The following PDE8B variants were observed in gnomAD, a reference collection of about 807,000 sequenced individuals.
The protein encoded by PDE8B is high affinity cAMP-specific and IBMX-insensitive 3',5'-cyclic phosphodiesterase 8B.
In PDE8B, 26 loss-of-function variants were observed where a neutral mutation model predicts 101.3. That is an observed-to-expected ratio of 0.26 (90% CI 0.19 to 0.36). The LOEUF (loss-of-function observed/expected upper bound fraction) is 0.36. Among genes scored for constraint, PDE8B ranks in the 10% least tolerant of loss-of-function variants. The pLI is 1.00. For synonymous variants in PDE8B, 424 were observed against 429.3 expected (o/e 0.99, Z 0.15); for missense variants, 810 against 1,163.1 (o/e 0.70, Z 4.42).
chr5:77,389,655 C>T (rs1789487209), intron 10 of PDE8B, among the ~76,000 whole-genome samples: 1 of 152,188 alleles, frequency 6.6e-6, no homozygotes, highest in Non-Finnish European at 1.5e-5. Context: ...TCCACCCATC[C>T]TGCTCGCCCC....
rs116920880 is a variant in PDE8B at position 77,281,929 on chromosome 5, T to C, written c.340-30065T>C. On this transcript the variant is annotated intron_variant, in intron 1 of 21. Coordinates refer to ENST00000264917, the MANE Select transcript of PDE8B (RefSeq NM_003719.5). Reference sequence around the variant, plus strand: ...TATATGGGATCATTTGTGGGAGCGATCTGAGGTTTTCAGAGTCTGGGGGTG... The same window carrying C: ...TATATGGGATCATTTGTGGGAGCGACCTGAGGTTTTCAGAGTCTGGGGGTG... Among the ~76,000 whole-genome samples the C allele has an allele frequency of 4.9e-4, 75 of 152,320 alleles. No homozygotes were observed. The East Asian group carries it at 0.014, about 28-fold the overall frequency.
the PDE8B span, among the ~76,000 whole-genome samples, chr5:77,170,623 AGTTTCTAGGAGATACATGGCCACATG>A: frequency 6.6e-6 from 1 of 152,230 alleles, no homozygotes; most frequent in Non-Finnish European, 1.5e-5. Flanking sequence ...CATCGTTATG[AGTTTCTAGGAGATACATGGCCACATG>A]GTGTTAAATT....
chr5:77,372,406 G>C (rs1019194340), intron 10 of PDE8B, among the ~76,000 whole-genome samples: 2 of 152,076 alleles, frequency 1.3e-5, no homozygotes, highest in African/African-American at 4.8e-5. Context: ...TCTTCATCAG[G>C]GTTTGTATAT....
chr5:77,177,609 G>T, the PDE8B span, among the ~76,000 whole-genome samples: 279 of 152,296 alleles, frequency 1.8e-3, 1 homozygote, highest in African/African-American at 6.6e-3. Context: ...GCTTCTCTTT[G>T]GTATATAGAA....
At chr5:77,253,041 C>G (rs1312403348) in intron 1 of PDE8B, among the ~76,000 whole-genome samples, 2 of 150,738 alleles carry the variant, frequency 1.3e-5, no homozygotes, top group Admixed American at 1.3e-4. Context: ...AAACACAGCT[C>G]AAGAAAAAGC....
chr5:77,363,545 C>G (rs757733602), intron 10 of PDE8B, among the ~76,000 whole-genome samples: 3 of 151,926 alleles, frequency 2.0e-5, no homozygotes, highest in Non-Finnish European at 2.9e-5. Flanking sequence ...AAACCCATCT[C>G]TACTAAAAAT....
chr5:77,174,969 C>T, the PDE8B span, among the ~76,000 whole-genome samples: 1 of 152,188 alleles, frequency 6.6e-6, no homozygotes, highest in Admixed American at 6.5e-5. Flanking sequence ...GATTTCCCAC[C>T]CATTCTCTTC....
intron 1 of PDE8B, among the ~76,000 whole-genome samples, chr5:77,251,156 A>G (rs575376350): frequency 1.3e-5 from 2 of 152,306 alleles, no homozygotes; most frequent in Non-Finnish European, 2.9e-5. Flanking sequence ...TTCAGTCTCT[A>G]TCTGTAAAAT....
chr5:77,423,990 G>A (rs995549652), intron 20 of PDE8B, among the ~76,000 whole-genome samples: 1 of 151,950 alleles, frequency 6.6e-6, no homozygotes, highest in African/African-American at 2.4e-5. Context: ...CTTTTGAGAA[G>A]TGTCTGTTCA....
chr5:77,312,105 CTTTTTTT>C (rs11395504), intron 2 of PDE8B, 52 bp downstream of exon 2: 11 of 871,460 alleles, frequency 1.3e-5, no homozygotes, highest in African/African-American at 4.2e-5. Flanking sequence ...TTTTTTTTTT[CTTTTTTT>C]TTTTTTTTTG....
the PDE8B span, among the ~76,000 whole-genome samples, chr5:77,095,299 C>T: frequency 2.0e-5 from 3 of 152,266 alleles, no homozygotes; most frequent in African/African-American, 7.2e-5. Flanking sequence ...TTGCCAGGAA[C>T]TTTGGTCTTG....
chr5:77,259,097 G>C, intron 1 of PDE8B, among the ~76,000 whole-genome samples: 1 of 75,044 alleles, frequency 1.3e-5, no homozygotes, highest in Non-Finnish European at 2.3e-5. Flanking sequence ...ACACACACAC[G>C]AATGTTTCTG....
At chr5:77,164,942 C>A in the PDE8B span, among the ~76,000 whole-genome samples, 4 of 152,198 alleles carry the variant, frequency 2.6e-5, no homozygotes, top group African/African-American at 9.7e-5. Flanking sequence ...AAGCCAGGCT[C>A]CTGGGCCCAC....
At chr5:77,308,962 C>T (rs1052002019) in intron 1 of PDE8B, among the ~76,000 whole-genome samples, 5 of 151,930 alleles carry the variant, frequency 3.3e-5, no homozygotes, top group Non-Finnish European at 4.4e-5. Context: ...GCAGATCACC[C>T]GAGGTCAGGA....
At chr5:77,233,633 A>T (rs1754036200) in intron 1 of PDE8B, among the ~76,000 whole-genome samples, 1 of 149,538 alleles carries the variant, frequency 6.7e-6, no homozygotes. Context: ...TCTACCTGAC[A>T]GCCCCCAACC....
chr5:77,102,944 G>A, the PDE8B span, among the ~76,000 whole-genome samples: 1 of 152,212 alleles, frequency 6.6e-6, no homozygotes, highest in Non-Finnish European at 1.5e-5. Context: ...GTCAGAGTAG[G>A]TCGGGCAGCT....
chr5:77,298,083 G>C (rs565546058), intron 1 of PDE8B, among the ~76,000 whole-genome samples: 2 of 152,278 alleles, frequency 1.3e-5, no homozygotes, highest in South Asian at 4.1e-4. Flanking sequence ...CTTGATGAAA[G>C]TTTGTGGATC....
At chr5:77,144,355 G>A in the PDE8B span, 1 of 144,280 alleles carries the variant, frequency 6.9e-6, no homozygotes, top group Admixed American at 6.6e-5. Context: ...GCGGGGACAA[G>A]AAGCTGTTTT....
intron 10 of PDE8B, among the ~76,000 whole-genome samples, chr5:77,386,939 A>G (rs1274534887): frequency 1.7e-5 from 2 of 116,640 alleles, no homozygotes; most frequent in Non-Finnish European, 3.2e-5. Context: ...TGCGGACTGC[A>G]GTGGCGCAAT....
Sources: allele counts gnomAD v4.1 joint callset (sites outside exome capture counted in the v4.1 genomes callset), GRCh38; gene constraint gnomAD v4.1.1; transcripts MANE v1.5; gene names NCBI Gene and HGNC (gene_info 2026-07-23, HGNC 2026-07-21).